KIAA0753: variants seen among roughly 807,000 people sequenced by gnomAD.
The protein encoded by KIAA0753 is KIAA0753.
Under a neutral mutation model 116.9 loss-of-function variants are expected in KIAA0753, and 114 were observed. The ratio of observed to expected loss-of-function variants is 0.98; its 90% confidence interval spans 0.84 to 1.14. The LOEUF (loss-of-function observed/expected upper bound fraction) is 1.14, where lower values mean the gene tolerates loss of function less well. Among genes scored for constraint, KIAA0753 ranks in the 50% most tolerant of loss-of-function variants. The pLI, the probability that KIAA0753 is intolerant of heterozygous loss-of-function variation, is 0.00. For synonymous variants in KIAA0753, 405 were observed against 413.1 expected, an observed-to-expected ratio of 0.98 and a Z score of 0.24; for missense variants, 1,156 against 1,172.4, an observed-to-expected ratio of 0.99 and a Z score of 0.20.
intron 16 of KIAA0753, 59 bp downstream of exon 16, chr17:6,594,913 T>C (rs1969354855): frequency 1.5e-6 from 2 of 1,335,852 alleles, no homozygotes; most frequent in Non-Finnish European, 2.1e-6. Flanking sequence ...TTCAATTTTC[T>C]GTATGTTTGA....
intron 14 of KIAA0753, 95 bp from the exon 15 acceptor site, chr17:6,596,438 T>C: frequency 1.0e-6 from 1 of 1,001,170 alleles, no homozygotes; most frequent in Non-Finnish European, 1.5e-6. Context: ...AAATTATTGT[T>C]AATCATAATA....
chr17:6,621,163 T>A (rs1486848147), intron 6 of KIAA0753, among the ~76,000 whole-genome samples, 165 bp from the exon 7 acceptor site: 1 of 152,242 alleles, frequency 6.6e-6, no homozygotes, highest in Non-Finnish European at 1.5e-5. Flanking sequence ...GATATCTAAT[T>A]AATTAGTAAC....
intron 15 of KIAA0753, 50 bp from the exon 16 acceptor site, chr17:6,595,103 T>C (rs754170417): frequency 1.7e-5 from 22 of 1,315,938 alleles, no homozygotes; most frequent in Non-Finnish European, 2.4e-5. Flanking sequence ...ATGAGTTTAA[T>C]TACAAACCAG....
Position 6,623,049 on chromosome 17 carries a change from C to A in KIAA0753, c.937G>T (p.Ala313Ser), listed in dbSNP as rs774192728. 2.9e-5 allele frequency: 46 copies of A among 1,613,992 alleles called. 2 individuals carry two copies. In the South Asian group the frequency reaches 4.8e-4, roughly 17 times the overall value. ...LAAAHRGAIRALQMFVTQFTD... is the reference protein window; with the variant it reads ...LAAAHRGAIRSLQMFVTQFTD... ...AACTGAGTGACAAACATCTGTAAGGCCCGAATGGCTCCTCGATGGGCAGCC... is the reference window on the plus strand; with the variant it reads ...AACTGAGTGACAAACATCTGTAAGGACCGAATGGCTCCTCGATGGGCAGCC... The change falls in exon 6 of 19, where the codon GCC (alanine) becomes TCC (serine). Residue 313 changes from alanine to serine, a missense_variant. Coordinates refer to ENST00000361413, the MANE Select transcript of KIAA0753 (RefSeq NM_014804.3).
At chr17:6,623,771 G>T in intron 4 of KIAA0753, 200 bp from the exon 5 acceptor site, 1 of 586,416 alleles carries the variant, frequency 1.7e-6, no homozygotes, top group Non-Finnish European at 2.7e-6. Flanking sequence ...AATAGGCAGT[G>T]TTCACCTTCC....
At chr17:6,640,534 G>T (rs1423372125) in intron 1 of KIAA0753, 103 bp downstream of exon 1, 2 of 152,094 alleles carry the variant, frequency 1.3e-5, no homozygotes, top group African/African-American at 4.8e-5. Context: ...AGGTAACTGG[G>T]GGGACAAAGC....
chr17:6,588,472 G>A (rs550478365), intron 18 of KIAA0753, among the ~76,000 whole-genome samples: 2 of 152,274 alleles, frequency 1.3e-5, no homozygotes, highest in Admixed American at 1.3e-4. Context: ...CCTGGACTCA[G>A]GTAGGAGGAA....
intron 14 of KIAA0753, among the ~76,000 whole-genome samples, chr17:6,598,768 T>C (rs1161889265): frequency 6.6e-6 from 1 of 152,254 alleles, no homozygotes; most frequent in Non-Finnish European, 1.5e-5. Context: ...ATTTTTTTCC[T>C]GGGTCACCTT....
intron 9 of KIAA0753, among the ~76,000 whole-genome samples, chr17:6,609,522 T>G (rs996997691): frequency 7.9e-5 from 12 of 152,264 alleles, no homozygotes; most frequent in African/African-American, 2.9e-4. Context: ...ACAGTGTTGG[T>G]GAGATCTATA....
intron 1 of KIAA0753, chr17:6,635,498 T>C (rs1445136649): frequency 6.2e-6 from 1 of 160,924 alleles, no homozygotes; most frequent in African/African-American, 2.4e-5. Context: ...TTTGCCATGG[T>C]AAACTAGCAT....
intron 3 of KIAA0753, among the ~76,000 whole-genome samples, chr17:6,626,555 C>T (rs1241297301): frequency 6.6e-6 from 1 of 151,914 alleles, no homozygotes; most frequent in African/African-American, 2.4e-5. Context: ...AGGCTCACTG[C>T]AGATGATTCC....
intron 2 of KIAA0753, among the ~76,000 whole-genome samples, chr17:6,632,556 G>A (rs1255325389): frequency 6.6e-6 from 1 of 152,130 alleles, no homozygotes; most frequent in Non-Finnish European, 1.5e-5. Context: ...AGTAGTTGGT[G>A]AAAGTTTGAG....
intron 11 of KIAA0753, 70 bp downstream of exon 11, chr17:6,607,111 T>C: frequency 1.4e-6 from 2 of 1,420,854 alleles, no homozygotes; most frequent in African/African-American, 2.8e-5. Flanking sequence ...ATAATCTCTA[T>C]TTATCATTAA....
In KIAA0753 at chr17:6,634,347, G is replaced by A. The variant is rs554105837; in HGVS notation, c.93+664C>T. 3.4e-4 allele frequency among the ~76,000 whole-genome samples: 52 copies of A among 152,226 alleles called. No individual in the cohort carries two copies. The South Asian group carries it at 6.0e-3, about 18-fold the overall frequency. On this transcript the variant is annotated intron_variant, in intron 2 of 18. Coordinates refer to ENST00000361413, the MANE Select transcript of KIAA0753 (RefSeq NM_014804.3). The stretch of plus-strand genomic sequence containing the variant: ...TCGAACTCCTGACCTCTGGTGATCC[G>A]CCCGCCTGGACCTCCCAAAGTGCTG...
intron 16 of KIAA0753, 61 bp downstream of exon 16, chr17:6,594,911 T>C: frequency 7.5e-7 from 1 of 1,326,326 alleles, no homozygotes; most frequent in South Asian, 1.2e-5. Flanking sequence ...TTTTCAATTT[T>C]CTGTATGTTT....
intron 12 of KIAA0753, 51 bp downstream of exon 12, chr17:6,606,822 C>A: frequency 6.7e-7 from 1 of 1,487,382 alleles, no homozygotes; most frequent in Non-Finnish European, 9.4e-7. Context: ...CTATCTAGAT[C>A]AATTAGAACA....
Position 6,610,055 on chromosome 17 carries a change from T to C in KIAA0753, c.1651A>G (p.Lys551Glu), listed in dbSNP as rs1970430239. 6.2e-7 allele frequency: 1 copy of C among 1,614,042 alleles called. No individual in the cohort carries two copies. The highest frequency in any genetic ancestry group is 1.3e-5 in the African/African-American group (1 of 74,918). Residue 551 changes from lysine (K) to glutamate (E), a missense_variant, in exon 9 of 19, where the codon AAA becomes GAA. Coordinates refer to ENST00000361413, the MANE Select transcript of KIAA0753 (RefSeq NM_014804.3). ...GGTATCCATGGTGCCTTGCGGTCTT[T>C]CACAGGCTGCCGGTTCATTTTTAAT... is the stretch of plus-strand genomic sequence containing the variant. ...SRLKMNRQPV[K>E]DRKAPWIPPN...
chr17:6,609,150 C>T (rs7221587), intron 9 of KIAA0753, among the ~76,000 whole-genome samples: 49,593 of 152,080 alleles, frequency 0.33, 8,536 homozygotes, highest in Admixed American at 0.4. Context: ...CACACTCATT[C>T]GGAATCTTAG....
At chr17:6,588,227 A>G (rs1968726963) in intron 18 of KIAA0753, among the ~76,000 whole-genome samples, 1 of 152,230 alleles carries the variant, frequency 6.6e-6, no homozygotes, top group Non-Finnish European at 1.5e-5. Context: ...AATTCAGCCA[A>G]GTAATCAATC....
Sources: gnomAD v4.1 joint callset for allele counts (sites outside exome capture counted in the v4.1 genomes callset) on GRCh38, gnomAD v4.1.1 for gene constraint, MANE v1.5 for transcripts, NCBI Gene and HGNC (gene_info 2026-07-23, HGNC 2026-07-21) for gene names.